Variants in TNFAIP8L3 observed in about 807,000 individuals in gnomAD.
TNFAIP8L3 encodes tumor necrosis factor alpha-induced protein 8-like protein 3.
In TNFAIP8L3, 7 loss-of-function variants were observed where a neutral mutation model predicts 11.8. The ratio of observed to expected loss-of-function variants is 0.59; its 90% CI spans 0.34 to 1.11. TNFAIP8L3 has a LOEUF of 1.11. TNFAIP8L3 is among the 50% of genes most tolerant of loss of function. The pLI, the probability that TNFAIP8L3 is intolerant of heterozygous loss-of-function variation, is 0.03. For missense variants in TNFAIP8L3, 219 were observed against 258.6 expected (o/e 0.85, Z 1.05); for synonymous variants, 98 against 103.8 (o/e 0.94, Z 0.34).
upstream of TNFAIP8L3, among the ~76,000 whole-genome samples, chr15:51,097,854 T>TGGGG (rs35638055): frequency 5.4e-4 from 82 of 151,150 alleles, no homozygotes; most frequent in African/African-American, 1.9e-3. Context: ...ATATTTCTTG[T>TGGGG]GGGGGGGGAA....
Position 51,058,181 on chromosome 15 carries a change from C to T in TNFAIP8L3, c.315G>A (p.Val105=). The T allele has an allele frequency of 6.2e-7, 1 of 1,614,228 alleles. No individual in the cohort carries two copies. The highest frequency in any genetic ancestry group is 2.2e-5 in the East Asian group (1 of 44,890). ...GGTTCAGCTTCTTCCGGAACTTCTC[C>T]ACAATAACCAGCTCCTCTTGGCTAA... ...NQFSQEELVI[V]EKFRKKLNQT... The change falls in exon 2 of 2, where the codon GTG becomes GTA. Residue 105 remains valine (V), a synonymous_variant. Transcript: ENST00000637513.
At chr15:51,079,855 CAAAAAAAAAAAAAAAAAA>C (rs10602536) in intron 1 of TNFAIP8L3, among the ~76,000 whole-genome samples, 1 of 77,624 alleles carries the variant, frequency 1.3e-5, no homozygotes, top group Non-Finnish European at 2.4e-5. Flanking sequence ...GACTTTGTCT[CAAAAAAAAAAAAAAAAAA>C]AAAAAAGAAA....
rs763213966 is a variant in TNFAIP8L3, at chr15:51,058,253, T to C, written c.243A>G (p.Leu81=). The part of the protein sequence containing the change: ...KKEAHKIMKD[L]IKVAIKIGIL... ...TCCCGATTTTGATCGCCACCTTGAT[T>C]AAGTCTTTCATGATCTTGTGGGCTT... The change falls in exon 2 of 2, where the codon TTA becomes TTG. Residue 81 remains leucine, a synonymous_variant. Transcript: ENST00000637513. The C allele has an allele frequency of 5.0e-6, 8 of 1,614,210 alleles. No homozygotes were observed. The highest frequency in any genetic ancestry group is 6.8e-6 in the Non-Finnish European group (8 of 1,180,042).
chr15:51,069,062 G>A (rs1395033489), intron 1 of TNFAIP8L3, among the ~76,000 whole-genome samples: 1 of 152,180 alleles, frequency 6.6e-6, no homozygotes, highest in African/African-American at 2.4e-5. Context: ...GAGGTTGGAA[G>A]GATGAAGGAG....
chr15:51,060,837 T>G (rs2065238193), intron 1 of TNFAIP8L3, among the ~76,000 whole-genome samples: 1 of 152,238 alleles, frequency 6.6e-6, no homozygotes, highest in Admixed American at 6.5e-5. Context: ...TAAGATTTAT[T>G]TTAAAAATAA....
At chr15:51,073,811 A>C (rs996012333) in intron 1 of TNFAIP8L3, among the ~76,000 whole-genome samples, 1 of 152,198 alleles carries the variant, frequency 6.6e-6, no homozygotes, top group Non-Finnish European at 1.5e-5. Flanking sequence ...GTTTTGATGG[A>C]TACCCCTTAT....
intron 1 of TNFAIP8L3, among the ~76,000 whole-genome samples, chr15:51,101,771 C>A (rs1485767252): frequency 1.3e-5 from 2 of 150,740 alleles, no homozygotes; most frequent in Non-Finnish European, 3.0e-5. Context: ...ACAGTGAAAC[C>A]CCATCTCTAC....
At chr15:51,098,385 G>A (rs987056110), upstream of TNFAIP8L3, among the ~76,000 whole-genome samples, 1 of 152,196 alleles carries the variant, frequency 6.6e-6, no homozygotes, top group African/African-American at 2.4e-5. Flanking sequence ...GGTCCTTAGA[G>A]GTGAAAGGTT....
chr15:51,066,073 GA>G (rs796777612), intron 1 of TNFAIP8L3, among the ~76,000 whole-genome samples: 6,713 of 137,552 alleles, frequency 0.049, 177 homozygotes, highest in African/African-American at 0.075. Context: ...TTGTTAGGGG[GA>G]AAAAAAAAAA....
chr15:51,084,435 C>T (rs1194226635), intron 1 of TNFAIP8L3, among the ~76,000 whole-genome samples: 1 of 152,066 alleles, frequency 6.6e-6, no homozygotes, highest in Non-Finnish European at 1.5e-5. Context: ...TGTTTCTGCC[C>T]CCGCCCTGGC....
rs183284105 is a variant in TNFAIP8L3 at position 51,093,904 on chromosome 15, G to C, written c.52+640C>G. On this transcript the variant is annotated intron_variant, in intron 1 of 1. Transcript: ENST00000637513. ...AATAACTATCGATTGTGAAAAGCCG[G>C]CGGGGCCTCTTAAAGGCGAAGTCGG... is the stretch of plus-strand genomic sequence containing the variant. 2.0e-5 allele frequency among the ~76,000 whole-genome samples: 3 copies of C among 152,308 alleles called. No homozygotes were observed. In the East Asian group the frequency reaches 5.8e-4, roughly 29 times the overall value.
chr15:51,064,690 C>G (rs896763965), intron 1 of TNFAIP8L3: 2 of 152,166 alleles, frequency 1.3e-5, no homozygotes, highest in African/African-American at 4.8e-5. Flanking sequence ...AGAGAGGGCA[C>G]TGAGGGAGCA....
intron 1 of TNFAIP8L3, chr15:51,064,619 A>AGCTGGGGAGATACCATTGTTTCC (rs1229828778): frequency 1.3e-5 from 2 of 152,212 alleles, no homozygotes; most frequent in Non-Finnish European, 2.9e-5. Context: ...TTAACGGGGA[A>AGCTGGGGAGATACCATTGTTTCC]GCTGGGGAGA....
At chr15:51,071,421 T>G (rs1326863098) in intron 1 of TNFAIP8L3, among the ~76,000 whole-genome samples, 1 of 152,220 alleles carries the variant, frequency 6.6e-6, no homozygotes. Context: ...AGTTGTATTT[T>G]TTTTTCATCT....
intron 1 of TNFAIP8L3, among the ~76,000 whole-genome samples, chr15:51,062,755 A>T (rs1450244549): frequency 6.6e-6 from 1 of 152,230 alleles, no homozygotes; most frequent in East Asian, 1.9e-4. Flanking sequence ...TATTTATTTA[A>T]TACATTAAGG....
upstream of TNFAIP8L3, among the ~76,000 whole-genome samples, chr15:51,098,422 A>G (rs368203530): frequency 3.3e-5 from 5 of 152,238 alleles, 1 homozygote. Flanking sequence ...ATTTGTCTCA[A>G]GGTAGACTTT....
chr15:51,070,413 A>G (rs1367456564), intron 1 of TNFAIP8L3, among the ~76,000 whole-genome samples: 1 of 152,248 alleles, frequency 6.6e-6, no homozygotes, highest in East Asian at 1.9e-4. Context: ...AATAATAATA[A>G]AGTGCTTGCT....
chr15:51,097,899 C>T (rs944457559), upstream of TNFAIP8L3, among the ~76,000 whole-genome samples: 38 of 152,168 alleles, frequency 2.5e-4, no homozygotes, highest in African/African-American at 9.2e-4. Flanking sequence ...GAAAGGGTTT[C>T]TGTAGTTCCT....
chr15:51,102,853 T>C (rs2065564019), intron 1 of TNFAIP8L3, among the ~76,000 whole-genome samples: 1 of 152,186 alleles, frequency 6.6e-6, no homozygotes, highest in African/African-American at 2.4e-5. Context: ...TCCCCATTAC[T>C]GATCTTTCCT....
Sources: allele counts gnomAD v4.1 joint callset (sites outside exome capture counted in the v4.1 genomes callset), GRCh38; gene constraint gnomAD v4.1.1; transcripts MANE v1.5; gene names NCBI Gene and HGNC (gene_info 2026-07-23, HGNC 2026-07-21).